Variants in RABGAP1 observed in about 807,000 individuals in gnomAD.
The protein encoded by RABGAP1 is rab GTPase-activating protein 1.
In RABGAP1, 23 loss-of-function variants were observed where a neutral mutation model predicts 137.6. The ratio of observed to expected loss-of-function variants is 0.17; its 90% CI spans 0.12 to 0.24. RABGAP1 has a LOEUF of 0.24. RABGAP1 is among the 10% of genes least tolerant of loss of function. The pLI is 1.00. For missense variants in RABGAP1, 906 were observed against 1,275.8 expected (o/e 0.71, Z 4.42); for synonymous variants, 451 against 450.7 (o/e 1.00, Z -0.01).
intron 13 of RABGAP1, among the ~76,000 whole-genome samples, chr9:123,023,944 T>A (rs1218588712): frequency 6.6e-6 from 1 of 151,750 alleles, no homozygotes; most frequent in African/African-American, 2.4e-5. Context: ...ATTTATAGAG[T>A]GAAGATCAAA....
intron 11 of RABGAP1, among the ~76,000 whole-genome samples, chr9:123,012,259 T>C (rs2030872292): frequency 6.6e-6 from 1 of 152,252 alleles, no homozygotes; most frequent in African/African-American, 2.4e-5. Flanking sequence ...AATTGTCTGT[T>C]GTGTAACAGT....
At position 123,039,315 on chromosome 9, in the gene RABGAP1, A is replaced by G. The variant is rs185107958; in HGVS notation, c.1794+18856A>G. 1.2e-4 allele frequency among the ~76,000 whole-genome samples: 18 copies of G among 152,116 alleles called. No individual in the cohort carries two copies. In the East Asian group the frequency reaches 2.9e-3, roughly 24 times the overall value. ...ATTTACTTCCTTCACTTGTCATCAA[A>G]CTCTCTGAAGGCAAGGGACAGTGTC... On this transcript the variant is annotated intron_variant, in intron 13 of 25. Coordinates refer to ENST00000373647, the MANE Select transcript of RABGAP1 (RefSeq NM_012197.4).
intron 13 of RABGAP1, among the ~76,000 whole-genome samples, chr9:123,021,203 A>G (rs10116866): frequency 0.056 from 8,468 of 151,980 alleles, 765 homozygotes; most frequent in African/African-American, 0.19. Flanking sequence ...AGATTTTTCA[A>G]TGTGACAGAA....
At chr9:123,014,605 T>TA (rs1289090552) in intron 11 of RABGAP1, among the ~76,000 whole-genome samples, 4 of 151,960 alleles carry the variant, frequency 2.6e-5, no homozygotes, top group African/African-American at 9.7e-5. Context: ...CTCATACTGC[T>TA]AATAAAGACA....
chr9:123,033,167 A>T (rs1359652643), intron 13 of RABGAP1, among the ~76,000 whole-genome samples: 1 of 152,228 alleles, frequency 6.6e-6, no homozygotes, highest in Non-Finnish European at 1.5e-5. Context: ...CCTTCTAGCT[A>T]GAACTTCTTG....
intron 12 of RABGAP1, among the ~76,000 whole-genome samples, chr9:123,018,976 CTCAG>C (rs1554718837): frequency 6.6e-6 from 1 of 152,154 alleles, no homozygotes; most frequent in Non-Finnish European, 1.5e-5. Flanking sequence ...TGAGGACTAC[CTCAG>C]TCATTTAATT....
At chr9:123,004,387 A>C (rs2030017189) in intron 10 of RABGAP1, among the ~76,000 whole-genome samples, 1 of 152,022 alleles carries the variant, frequency 6.6e-6, no homozygotes, top group South Asian at 2.1e-4. Flanking sequence ...TCCTGGGCTC[A>C]AGTGATCCTC....
intron 2 of RABGAP1, among the ~76,000 whole-genome samples, chr9:122,966,348 C>T (rs535475572): frequency 1.3e-4 from 20 of 151,898 alleles, no homozygotes; most frequent in African/African-American, 4.6e-4. Context: ...AACATGGTGA[C>T]GCCCTATTTC....
chr9:123,028,962 T>C (rs76741078), intron 13 of RABGAP1, among the ~76,000 whole-genome samples: 1,537 of 152,322 alleles, frequency 0.01, 14 homozygotes, highest in Non-Finnish European at 0.015. Flanking sequence ...ATATTATATA[T>C]ATTTTTTGCT....
rs183697915 is a variant in RABGAP1, at chr9:122,979,929, C to T, written c.151-4556C>T. ...ATGCTATTGGCAGCAAGGAAGAGAG[C>T]CCTACTAAGAGTGGGTTTATTTTTC... is the stretch of plus-strand genomic sequence containing the variant. On this transcript the variant is annotated intron_variant, in intron 2 of 25. Transcript: ENST00000373647. 2.0e-4 allele frequency among the ~76,000 whole-genome samples: 31 copies of T among 152,290 alleles called. No individual in the cohort carries two copies. In the East Asian group the frequency reaches 5.2e-3, roughly 26 times the overall value.
chr9:122,959,171 G>T (rs181548526), intron 2 of RABGAP1, among the ~76,000 whole-genome samples: 4 of 152,006 alleles, frequency 2.6e-5, no homozygotes, highest in African/African-American at 7.2e-5. Flanking sequence ...TGAGGAGGAA[G>T]GCCATGGAAA....
Position 123,099,565 on chromosome 9 carries a change from A to G in RABGAP1, c.2889+16A>G. The G allele has an allele frequency of 1.3e-6, 2 of 1,583,692 alleles. No individual in the cohort carries two copies. The highest frequency in any genetic ancestry group is 1.7e-6 in the Non-Finnish European group (2 of 1,152,666). ...GAAAATTCGGGTAAGACTTCTCTTT[A>G]CCTAAAAGATTTTATACCACCTACT... On this transcript the variant is annotated intron_variant, in intron 24 of 25. Coordinates refer to ENST00000373647, the MANE Select transcript of RABGAP1 (RefSeq NM_012197.4).
At chr9:122,951,303 G>A (rs1834229779) in intron 1 of RABGAP1, among the ~76,000 whole-genome samples, 1 of 151,966 alleles carries the variant, frequency 6.6e-6, no homozygotes, top group African/African-American at 2.4e-5. Context: ...CTGGGAGGTG[G>A]TTTTGCCTCT....
At position 123,070,516 on chromosome 9, in the gene RABGAP1, G is replaced by A. The variant is rs776669399; in HGVS notation, c.1983+92G>A. On this transcript the variant is annotated intron_variant, in intron 15 of 25. Transcript: ENST00000373647. The surrounding 1 kb of genome is among the most constrained non-coding windows in gnomAD (Gnocchi z 4.4). The stretch of plus-strand genomic sequence containing the variant: ...TGAGCATGGTTTTATATTGGGTTTG[G>A]ACAGACTCTTAAGGCATGAATTTTA... The A allele has an allele frequency of 1.3e-4, 199 of 1,582,732 alleles. No homozygotes were observed. Among genetic ancestry groups the A allele is most frequent in the Admixed American group, 2.9e-4 (16 of 55,934 alleles).
At chr9:122,943,689 C>A (rs933607126) in intron 1 of RABGAP1, among the ~76,000 whole-genome samples, 1 of 152,170 alleles carries the variant, frequency 6.6e-6, no homozygotes, top group South Asian at 2.1e-4. Flanking sequence ...CGCGGTGGCT[C>A]ACGCCTGTAA....
chr9:123,061,273 G>A (rs761839742), intron 13 of RABGAP1, among the ~76,000 whole-genome samples: 10 of 152,094 alleles, frequency 6.6e-5, no homozygotes, highest in Non-Finnish European at 7.3e-5. Context: ...ATGCCAGCAC[G>A]CCCGGCTAAT....
At chr9:122,937,043 A>T (rs1174348504), upstream of RABGAP1, among the ~76,000 whole-genome samples, 2 of 152,210 alleles carry the variant, frequency 1.3e-5, no homozygotes, top group Non-Finnish European at 2.9e-5. Context: ...AACAAATCAT[A>T]AGGATTTAAA....
intron 2 of RABGAP1, among the ~76,000 whole-genome samples, chr9:122,971,354 A>G (rs561681958): frequency 1.3e-5 from 2 of 152,016 alleles, no homozygotes; most frequent in Non-Finnish European, 2.9e-5. Context: ...TTGCAGAACT[A>G]CTCTGGAAGA....
At chr9:123,026,191 G>T (rs1480594144) in intron 13 of RABGAP1, among the ~76,000 whole-genome samples, 1 of 151,970 alleles carries the variant, frequency 6.6e-6, no homozygotes, top group Non-Finnish European at 1.5e-5. Flanking sequence ...GGCCGTGGTG[G>T]TGGGCACCTA....
Sources: gnomAD v4.1 joint callset for allele counts (sites outside exome capture counted in the v4.1 genomes callset) on GRCh38, gnomAD v4.1.1 for gene constraint, Gnocchi (gnomAD v3.1) non-coding constraint, MANE v1.5 for transcripts, NCBI Gene and HGNC (gene_info 2026-07-23, HGNC 2026-07-21) for gene names.